DLG2: variants seen among roughly 807,000 people sequenced by gnomAD.
DLG2 encodes disks large homolog 2.
A neutral mutation model predicts 132.5 loss-of-function variants in DLG2; 45 were observed. The ratio of observed to expected loss-of-function variants is 0.34; its 90% confidence interval spans 0.27 to 0.44. DLG2 has a LOEUF of 0.44. Among genes scored for constraint, DLG2 ranks in the 20% least tolerant of loss-of-function variants. The pLI is 1.00. For missense variants in DLG2, 1,045 were observed against 1,196.9 expected (o/e 0.87, Z 1.87); for synonymous variants, 424 against 419.6 (o/e 1.01, Z -0.13).
At chr11:83,654,363 C>A (rs1388984982) in intron 18 of DLG2, among the ~76,000 whole-genome samples, 2 of 152,214 alleles carry the variant, frequency 1.3e-5, no homozygotes, top group Admixed American at 6.5e-5. Context: ...TTCCTGATAA[C>A]ACTCCAAGTG....
chr11:85,045,536 T>C (rs939005055), intron 6 of DLG2, among the ~76,000 whole-genome samples: 1 of 151,970 alleles, frequency 6.6e-6, no homozygotes, highest in Admixed American at 6.6e-5. Flanking sequence ...AGAGAGAGGT[T>C]GTAGGAGGGC....
rs879615468 is a variant in DLG2 at position 84,336,493 on chromosome 11, CAA to C, written c.520-85204_520-85203del. On this transcript the variant is annotated intron_variant, in intron 7 of 27. Transcript: ENST00000376104. ...TCATAAAGTATTCCTCCCTTACTTC[CAA>C]CTCACAGTTTGGCCTCACTTAGAGA... 3.5e-3 allele frequency among the ~76,000 whole-genome samples: 535 copies of C among 152,324 alleles called. 3 individuals are homozygous for C. Among genetic ancestry groups the C allele is most frequent in the Non-Finnish European group, 6.0e-3 (408 of 68,034 alleles).
chr11:85,065,910 T>C (rs1453492438), intron 6 of DLG2, among the ~76,000 whole-genome samples: 1 of 150,636 alleles, frequency 6.6e-6, no homozygotes, highest in Non-Finnish European at 1.5e-5. Context: ...CTCAAAGAAC[T>C]AAAAAAAGGA....
At chr11:84,672,124 C>T (rs879889231) in intron 6 of DLG2, among the ~76,000 whole-genome samples, 7 of 152,096 alleles carry the variant, frequency 4.6e-5, no homozygotes, top group Non-Finnish European at 7.4e-5. Context: ...ATCATAGTTC[C>T]AACCTTAAGT....
intron 4 of DLG2, among the ~76,000 whole-genome samples, chr11:85,166,463 A>G (rs1488711232): frequency 6.6e-6 from 1 of 151,838 alleles, no homozygotes; most frequent in African/African-American, 2.4e-5. Context: ...TGGTAATTCC[A>G]CTACCCAAAT....
intron 18 of DLG2, among the ~76,000 whole-genome samples, chr11:83,662,439 GAGGAGGCGGAGTGTTAT>G (rs972996608): frequency 6.6e-6 from 1 of 152,170 alleles, no homozygotes; most frequent in African/African-American, 2.4e-5. Flanking sequence ...ATCTCATGGA[GAGGAGGCGGAGTGTTAT>G]ATTCTCTTGG....
intron 3 of DLG2, among the ~76,000 whole-genome samples, chr11:85,479,290 C>T (rs188255): frequency 3.3e-5 from 5 of 152,004 alleles, no homozygotes; most frequent in African/African-American, 9.7e-5. Context: ...CATGAGGGCC[C>T]GCTTACTTCT....
At chr11:84,594,495 A>T (rs921392616) in intron 6 of DLG2, among the ~76,000 whole-genome samples, 1 of 152,246 alleles carries the variant, frequency 6.6e-6, no homozygotes, top group African/African-American at 2.4e-5. Context: ...CACTAGGAAG[A>T]AAAAGAAGAA....
chr11:85,196,938 G>T (rs2081114059), intron 4 of DLG2, among the ~76,000 whole-genome samples: 1 of 152,166 alleles, frequency 6.6e-6, no homozygotes, highest in Non-Finnish European at 1.5e-5. Context: ...CACATAAAAA[G>T]AATCAACCAT....
intron 7 of DLG2, among the ~76,000 whole-genome samples, chr11:84,278,472 ATTT>A (rs10559001): frequency 0.61 from 92,313 of 151,358 alleles, 28,406 homozygotes; most frequent in Middle Eastern, 0.7. Context: ...TTTCCAGATC[ATTT>A]TTTTTTTTTG....
chr11:84,317,878 G>T (rs752821916), intron 7 of DLG2, among the ~76,000 whole-genome samples: 7 of 152,098 alleles, frequency 4.6e-5, no homozygotes, highest in Non-Finnish European at 4.4e-5. Context: ...TTTAAATCAC[G>T]ATTATGCATT....
intron 18 of DLG2, among the ~76,000 whole-genome samples, chr11:83,668,049 AT>A (rs1360058192): frequency 2.1e-5 from 3 of 144,386 alleles, no homozygotes; most frequent in Non-Finnish European, 4.5e-5. Context: ...TCACTTTGCA[AT>A]TTTCTGGGGA....
chr11:84,065,545 T>C lies in DLG2; in HGVS notation c.750-6061A>G, dbSNP rs566700572. On this transcript the variant is annotated intron_variant, in intron 10 of 27. Transcript: ENST00000376104. The stretch of plus-strand genomic sequence containing the variant: ...CATCTCACACCAATCTGAATGACTA[T>C]TATTAAAAAGGCAAAAAATAACAGA... 3.3e-5 allele frequency among the ~76,000 whole-genome samples: 5 copies of C among 152,132 alleles called. No individual in the cohort carries two copies. The South Asian group carries it at 6.2e-4, about 19-fold the overall frequency.
At chr11:85,179,455 G>A (rs1310309739) in intron 4 of DLG2, among the ~76,000 whole-genome samples, 1 of 151,752 alleles carries the variant, frequency 6.6e-6, no homozygotes, top group Non-Finnish European at 1.5e-5. Flanking sequence ...AGTATTCAAT[G>A]AGTTATTAAA....
At chr11:84,739,236 G>A (rs2064269174) in intron 6 of DLG2, among the ~76,000 whole-genome samples, 1 of 152,090 alleles carries the variant, frequency 6.6e-6, no homozygotes, top group African/African-American at 2.4e-5. Flanking sequence ...AATATCTTAG[G>A]TGGTTTAAAA....
At chr11:84,768,623 T>C (rs1450405100) in intron 6 of DLG2, among the ~76,000 whole-genome samples, 1 of 152,168 alleles carries the variant, frequency 6.6e-6, no homozygotes, top group African/African-American at 2.4e-5. Context: ...GGTGGATTCA[T>C]TGTTATAGAG....
intron 6 of DLG2, among the ~76,000 whole-genome samples, chr11:84,909,608 T>C (rs907267840): frequency 6.6e-6 from 1 of 152,180 alleles, no homozygotes; most frequent in African/African-American, 2.4e-5. Flanking sequence ...ACGGCCCAAT[T>C]ATGTACTACT....
At chr11:84,567,713 G>C (rs2099462872) in intron 6 of DLG2, among the ~76,000 whole-genome samples, 1 of 152,130 alleles carries the variant, frequency 6.6e-6, no homozygotes, top group African/African-American at 2.4e-5. Context: ...CTTAGGAAAA[G>C]GTCAATAATT....
At chr11:83,692,058 A>G (rs2081093113) in intron 18 of DLG2, 1 of 152,234 alleles carries the variant, frequency 6.6e-6, no homozygotes, top group Non-Finnish European at 1.5e-5. Context: ...TAAGCAGTGT[A>G]TATTTTTCAT....
Sources: gnomAD v4.1 joint callset for allele counts (sites outside exome capture counted in the v4.1 genomes callset) on GRCh38, gnomAD v4.1.1 for gene constraint, MANE v1.5 for transcripts, NCBI Gene and HGNC (gene_info 2026-07-23, HGNC 2026-07-21) for gene names.